The following MBOAT2 variants were observed in gnomAD, a reference collection of about 807,000 sequenced individuals.
MBOAT2 encodes the protein membrane bound glycerophospholipid O-acyltransferase 2, also known as membrane-bound glycerophospholipid O-acyltransferase 2.
MBOAT2 carries 28 observed loss-of-function variants against 63.4 expected under a neutral mutation model. The observed-to-expected ratio is 0.44, with a 90% CI of 0.33 to 0.61. The LOEUF is 0.61. Among genes scored for constraint, MBOAT2 ranks in the 20% least tolerant of loss-of-function variants. The probability of loss-of-function intolerance (pLI) is 0.03; values close to 1 mark genes in which losing one functional copy is unlikely to be tolerated. For synonymous variants in MBOAT2, 211 were observed against 215.6 expected, an observed-to-expected ratio of 0.98 and a Z score of 0.19; for missense variants, 470 against 605.8, an observed-to-expected ratio of 0.78 and a Z score of 2.35.
At chr2:8,982,032 C>T (rs1445460180) in intron 1 of MBOAT2, among the ~76,000 whole-genome samples, 2 of 152,076 alleles carry the variant, frequency 1.3e-5, no homozygotes, top group Non-Finnish European at 1.5e-5. Context: ...CTCAACTTCC[C>T]CAAACCTTAG....
chr2:8,943,160 T>A, intron 3 of MBOAT2, 27 bp downstream of exon 3: 1 of 1,372,414 alleles, frequency 7.3e-7, no homozygotes, highest in Middle Eastern at 1.9e-4. Context: ...AAATATATAT[T>A]TTCATGTGAA....
chr2:8,903,101 G>A (rs530812171), intron 4 of MBOAT2, among the ~76,000 whole-genome samples: 14 of 152,172 alleles, frequency 9.2e-5, no homozygotes, highest in Admixed American at 5.9e-4. Context: ...GTCCCCACCC[G>A]ATTAGCTAGA....
At chr2:8,954,796 G>A (rs1168423837) in intron 2 of MBOAT2, among the ~76,000 whole-genome samples, 4 of 152,172 alleles carry the variant, frequency 2.6e-5, no homozygotes, top group Non-Finnish European at 4.4e-5. Context: ...CTGTGTCCAG[G>A]AGGGGTGGGG....
At chr2:8,882,616 C>A in intron 5 of MBOAT2, 51 bp from the exon 6 acceptor site, 1 of 1,530,910 alleles carries the variant, frequency 6.5e-7, no homozygotes, top group Non-Finnish European at 9.1e-7. Flanking sequence ...CCCAAAATGG[C>A]ATTTTTGCCC....
chr2:8,861,450 A>G (rs1395645049), intron 11 of MBOAT2, among the ~76,000 whole-genome samples: 2 of 152,120 alleles, frequency 1.3e-5, no homozygotes, highest in African/African-American at 4.8e-5. Context: ...TAAGCGCAAG[A>G]ATGGAATGCC....
Position 8,853,655 on chromosome 2 carries a change from T to C in MBOAT2, c.*5024A>G, listed in dbSNP as rs991395573. Reference sequence around the variant, plus strand: ...CATTTATTTTTAGTGTGTGATTTGATAAAACATGGCTGGAGATGGCTATGA... The same window carrying C: ...CATTTATTTTTAGTGTGTGATTTGACAAAACATGGCTGGAGATGGCTATGA... On this transcript the variant is annotated 3_prime_UTR_variant, in exon 13 of 13. Coordinates refer to ENST00000305997, the MANE Select transcript of MBOAT2 (RefSeq NM_138799.4). 18 of 152,354 alleles carry C rather than the reference T, an allele frequency of 1.2e-4. No individual in the cohort carries two copies. Among genetic ancestry groups the C allele is most frequent in the African/African-American group, 4.1e-4 (17 of 41,578 alleles). The allele number at this position is 152,354 out of a possible 1,614,324, so 9.4% of individuals were successfully genotyped here.
At chr2:8,956,355 C>T (rs1399321137) in intron 2 of MBOAT2, among the ~76,000 whole-genome samples, 4 of 152,130 alleles carry the variant, frequency 2.6e-5, no homozygotes, top group African/African-American at 9.7e-5. Context: ...AGAAAGAATA[C>T]AGAAAGCTTT....
intron 1 of MBOAT2, among the ~76,000 whole-genome samples, chr2:9,000,331 C>T (rs1183432820): frequency 1.3e-5 from 2 of 152,110 alleles, no homozygotes; most frequent in African/African-American, 4.8e-5. Context: ...AAATGATTTA[C>T]ATTATAAAAA....
intron 8 of MBOAT2, 26 bp downstream of exon 8, chr2:8,873,082 G>A: frequency 6.3e-7 from 1 of 1,599,302 alleles, no homozygotes; most frequent in Non-Finnish European, 8.6e-7. Context: ...ACCAGACACA[G>A]GGAAATCTAT....
chr2:8,976,212 G>C (rs977970756), intron 1 of MBOAT2, among the ~76,000 whole-genome samples: 1 of 152,066 alleles, frequency 6.6e-6, no homozygotes, highest in African/African-American at 2.4e-5. Context: ...AACAGAAGCA[G>C]AAAGCGAGCG....
At chr2:8,910,077 C>A (rs1179655289) in intron 3 of MBOAT2, among the ~76,000 whole-genome samples, 4 of 152,026 alleles carry the variant, frequency 2.6e-5, no homozygotes, top group Admixed American at 1.3e-4. Flanking sequence ...CTACTTTTTG[C>A]CTTTTAGAAG....
chr2:8,858,475 CA>C lies in MBOAT2; in HGVS notation c.*203del, dbSNP rs1661258557. 2.0e-6 allele frequency: 1 copy of C among 511,922 alleles called. No homozygotes were observed. Among genetic ancestry groups the C allele is most frequent in the Non-Finnish European group, 3.4e-6 (1 of 290,426 alleles). 31.7% of individuals were successfully genotyped at this position (511,922 alleles called of 1,614,324 possible). ...CCACTGAAATATGGAAATATTCTTACATAAGGCGTGGCCCACGGAGACATGG... is the reference window on the plus strand; with the variant it reads ...CCACTGAAATATGGAAATATTCTTACTAAGGCGTGGCCCACGGAGACATGG... On this transcript the variant is annotated 3_prime_UTR_variant, in exon 13 of 13. Transcript: ENST00000305997.
At chr2:8,943,060 T>C (rs1668161364) in intron 3 of MBOAT2, 127 bp downstream of exon 3, 1 of 552,526 alleles carries the variant, frequency 1.8e-6, no homozygotes, top group Non-Finnish European at 3.0e-6. Context: ...TTTGTATTTA[T>C]GACAATTCTT....
At chr2:8,985,477 TAA>T (rs1260745061) in intron 1 of MBOAT2, among the ~76,000 whole-genome samples, 1 of 152,142 alleles carries the variant, frequency 6.6e-6, no homozygotes, top group Non-Finnish European at 1.5e-5. Flanking sequence ...CCTCAAAGTC[TAA>T]CAAACATCTG....
At chr2:8,912,369 GAAAGAGAAAGAAAGAAAGAAAGAA>G (rs1558606785) in intron 3 of MBOAT2, among the ~76,000 whole-genome samples, 8 of 96,094 alleles carry the variant, frequency 8.3e-5, no homozygotes, top group African/African-American at 3.3e-4. Flanking sequence ...AAGAAAGAAA[GAAAGAGAAAGAAAGAAAGAAAGAA>G]AGAAAGAAAG....
chr2:8,944,285 A>G (rs1245739226), intron 2 of MBOAT2, among the ~76,000 whole-genome samples: 1 of 152,220 alleles, frequency 6.6e-6, no homozygotes, highest in Non-Finnish European at 1.5e-5. Flanking sequence ...AATCAATCAA[A>G]ACTATCCCTA....
intron 2 of MBOAT2, among the ~76,000 whole-genome samples, chr2:8,950,419 G>T (rs1285076258): frequency 6.6e-6 from 1 of 152,066 alleles, no homozygotes; most frequent in Non-Finnish European, 1.5e-5. Context: ...AATGCTTCCA[G>T]TTTGTTTTTT....
At chr2:8,950,514 G>A (rs1469866358) in intron 2 of MBOAT2, among the ~76,000 whole-genome samples, 2 of 152,102 alleles carry the variant, frequency 1.3e-5, no homozygotes, top group African/African-American at 4.8e-5. Flanking sequence ...TGCAAGCTCC[G>A]CCTCCCGGGT....
intron 1 of MBOAT2, among the ~76,000 whole-genome samples, chr2:8,966,996 TCA>T (rs1670041829): frequency 6.6e-6 from 1 of 152,152 alleles, no homozygotes; most frequent in African/African-American, 2.4e-5. Flanking sequence ...CAATGGGAAA[TCA>T]CACAGAACAA....
Sources: allele counts gnomAD v4.1 joint callset (sites outside exome capture counted in the v4.1 genomes callset), GRCh38; gene constraint gnomAD v4.1.1; transcripts MANE v1.5; gene names NCBI Gene and HGNC (gene_info 2026-07-23, HGNC 2026-07-21).